Variants in SYNE1 observed in about 807,000 individuals in gnomAD.
The protein encoded by SYNE1 is nesprin-1.
Under a neutral mutation model 1,111.0 loss-of-function variants are expected in SYNE1, and 616 were observed. The ratio of observed to expected loss-of-function variants is 0.55; its 90% CI spans 0.52 to 0.59. SYNE1 has a LOEUF of 0.59. Among genes scored for constraint, SYNE1 ranks in the 20% least tolerant of loss-of-function variants. The pLI, the probability that SYNE1 is intolerant of heterozygous loss-of-function variation, is 0.00. For synonymous variants in SYNE1, 3,855 were observed against 3,825.8 expected, an observed-to-expected ratio of 1.01 and a Z score of -0.28; for missense variants, 10,006 against 10,417.0, an observed-to-expected ratio of 0.96 and a Z score of 1.72.
At chr6:152,601,329 AATT>A in intron 3 of SYNE1, among the ~76,000 whole-genome samples, 1 of 152,358 alleles carries the variant, frequency 6.6e-6, no homozygotes, top group Non-Finnish European at 1.5e-5. Context: ...GCATAGGGTT[AATT>A]TAATTGAAGA....
At chr6:152,294,235 T>C in intron 93 of SYNE1, 108 bp from the exon 94 acceptor site, 1 of 1,128,494 alleles carries the variant, frequency 8.9e-7, no homozygotes, top group Admixed American at 2.0e-5. Context: ...TCTACACCTT[T>C]CATGGGGCAC....
chr6:152,425,458 A>G lies in SYNE1; in HGVS notation c.5190T>C (p.Asp1730=). ...AATGTAGTTTCATCATTTTCACATCATCTTTGGAGGCTACTGAGAACAATG... is the reference window on the plus strand; with the variant it reads ...AATGTAGTTTCATCATTTTCACATCGTCTTTGGAGGCTACTGAGAACAATG... ...KESLFSVASK[D]DVKMMKLHLE... The change falls in exon 39 of 146, where the codon GAT becomes GAC. Residue 1730 remains aspartate (D), a synonymous_variant. Transcript: ENST00000367255. 1 of 1,614,128 alleles carries G rather than the reference A, an allele frequency of 6.2e-7. No homozygotes were observed.
intron 72 of SYNE1, among the ~76,000 whole-genome samples, chr6:152,347,670 T>C (rs982297197): frequency 1.4e-5 from 2 of 144,374 alleles, no homozygotes; most frequent in Admixed American, 1.5e-4. Flanking sequence ...AGTAGTTGTG[T>C]TTTTTGTCAT....
intron 143 of SYNE1, 137 bp from the exon 144 acceptor site, chr6:152,132,351 A>T: frequency 1.3e-6 from 1 of 786,374 alleles, no homozygotes; most frequent in Non-Finnish European, 2.2e-6. Context: ...TCCTTGGGGA[A>T]AATGGAACCA....
chr6:152,341,811 C>T (rs1469205984), intron 74 of SYNE1, among the ~76,000 whole-genome samples: 1 of 152,136 alleles, frequency 6.6e-6, no homozygotes, highest in Non-Finnish European at 1.5e-5. Context: ...AACTTTTGTT[C>T]TCATCAATGC....
chr6:152,418,496 A>G (rs1362751983), intron 40 of SYNE1, among the ~76,000 whole-genome samples: 1 of 152,224 alleles, frequency 6.6e-6, no homozygotes, highest in Admixed American at 6.5e-5. Context: ...ATGTTGCTAT[A>G]TGCGTACTAT....
chr6:152,319,356 A>G lies in SYNE1; in HGVS notation c.16237-341T>C, dbSNP rs75227783. Among the ~76,000 whole-genome samples, 655 of 152,320 alleles carry G rather than the reference A, an allele frequency of 4.3e-3. 5 individuals are homozygous for G. The highest frequency in any genetic ancestry group is 0.015 in the African/African-American group (624 of 41,576). On this transcript the variant is annotated intron_variant, in intron 84 of 145. Coordinates refer to ENST00000367255, the MANE Select transcript of SYNE1 (RefSeq NM_182961.4). The stretch of plus-strand genomic sequence containing the variant: ...ATTAACTAACGTAATGACCTTGAGC[A>G]CACAAACTCCTCTAAGCCTTTTTCT...
At chr6:152,472,744 G>A (rs951055741) in intron 14 of SYNE1, 4 of 647,916 alleles carry the variant, frequency 6.2e-6, no homozygotes, top group African/African-American at 5.4e-5. Flanking sequence ...AGTATTTTTT[G>A]CCTTTCTGGA....
chr6:152,444,277 T>C lies in SYNE1; in HGVS notation c.3837+134A>G, dbSNP rs190359833. On this transcript the variant is annotated intron_variant, in intron 30 of 145. Transcript: ENST00000367255. ...AAAACCCAGAAGCGCCAAATTCTTT[T>C]AGCCATTCAACTCTTCCTTCCCATG... 5.7e-4 allele frequency: 528 copies of C among 930,284 alleles called. 4 individuals carry two copies. In the African/African-American group the frequency reaches 7.8e-3, roughly 14 times the overall value. The allele number at this position is 930,284 out of a possible 1,614,324, so 57.6% of individuals were successfully genotyped here.
intron 22 of SYNE1, chr6:152,456,696 G>A (rs879330400): frequency 2.2e-5 from 10 of 449,534 alleles, no homozygotes; most frequent in African/African-American, 4.0e-5. Flanking sequence ...CTTGTAGCCT[G>A]CAATTGTGAT....
chr6:152,251,009 G>A (rs1331847291), intron 104 of SYNE1, among the ~76,000 whole-genome samples: 1 of 152,134 alleles, frequency 6.6e-6, no homozygotes, highest in Non-Finnish European at 1.5e-5. Context: ...GAGTGCGGTG[G>A]CGCGATCTCG....
chr6:152,356,734 C>A (rs997092962), intron 66 of SYNE1, among the ~76,000 whole-genome samples: 1 of 152,078 alleles, frequency 6.6e-6, no homozygotes, highest in Non-Finnish European at 1.5e-5. Flanking sequence ...CTGCTTCCTG[C>A]CACTAGCATC....
rs142306782 is a variant in SYNE1, at chr6:152,131,245, T to A, written c.26095-467A>T. On this transcript the variant is annotated intron_variant, in intron 144 of 145. Transcript: ENST00000367255. ...TGAAGCCCAACTTAAATATTCAACT[T>A]AAAGAAAGGTTAAAATTTGACTTGA... Among the ~76,000 whole-genome samples, 193 of 151,700 alleles carry A rather than the reference T, an allele frequency of 1.3e-3. 1 individual carries two copies. The highest frequency in any genetic ancestry group is 4.4e-3 in the African/African-American group (181 of 41,358).
At chr6:152,219,508 C>CA (rs904037439) in intron 119 of SYNE1, among the ~76,000 whole-genome samples, 8 of 130,622 alleles carry the variant, frequency 6.1e-5, no homozygotes, top group East Asian at 2.1e-4. Context: ...AAAAAAAAAA[C>CA]AAACATGACC....
At position 152,450,513 on chromosome 6, in the gene SYNE1, C is replaced by G. The variant is rs559281851; in HGVS notation, c.3395+112G>C. On this transcript the variant is annotated intron_variant, in intron 27 of 145. Transcript: ENST00000367255. Reference sequence around the variant, plus strand: ...TTTTATTAAATGAAGGATTTTTGTACGAGAACATGAGCAAGAAATATGAAA... The same window carrying G: ...TTTTATTAAATGAAGGATTTTTGTAGGAGAACATGAGCAAGAAATATGAAA... 4.7e-6 allele frequency: 5 copies of G among 1,058,286 alleles called. No individual in the cohort carries two copies. In the Admixed American group the frequency reaches 8.5e-5, roughly 18 times the overall value. The allele number at this position is 1,058,286 out of a possible 1,614,324, so 65.6% of individuals were successfully genotyped here.
At chr6:152,556,996 A>C (rs551361653) in intron 3 of SYNE1, among the ~76,000 whole-genome samples, 35 of 152,246 alleles carry the variant, frequency 2.3e-4, no homozygotes, top group Admixed American at 1.0e-3. Context: ...AAATAATTTA[A>C]CATAATCTTC....
intron 81 of SYNE1, 127 bp from the exon 82 acceptor site, chr6:152,323,864 T>G: frequency 1.2e-5 from 13 of 1,102,426 alleles, no homozygotes; most frequent in Non-Finnish European, 1.6e-5. Context: ...TTCCACATGT[T>G]AGGAAACTGG....
intron 82 of SYNE1, among the ~76,000 whole-genome samples, chr6:152,322,376 C>T (rs2095891930): frequency 6.6e-6 from 1 of 152,042 alleles, no homozygotes; most frequent in African/African-American, 2.4e-5. Flanking sequence ...GTTAGGTTAC[C>T]TTGACATCAC....
At chr6:152,442,353 G>T in intron 30 of SYNE1, 108 bp from the exon 31 acceptor site, 1 of 1,304,906 alleles carries the variant, frequency 7.7e-7, no homozygotes, top group Non-Finnish European at 1.1e-6. Flanking sequence ...GGCCCGAAAT[G>T]TATTTTAAAG....
Sources: gnomAD v4.1 joint callset for allele counts (sites outside exome capture counted in the v4.1 genomes callset) on GRCh38, gnomAD v4.1.1 for gene constraint, MANE v1.5 for transcripts, NCBI Gene and HGNC (gene_info 2026-07-23, HGNC 2026-07-21) for gene names.